Variants in ARHGAP15 observed in about 807,000 individuals in gnomAD.
The protein encoded by ARHGAP15 is Rho GTPase activating protein 15.
ARHGAP15 carries 51 observed loss-of-function variants against 63.7 expected under a neutral mutation model. The ratio of observed to expected loss-of-function variants is 0.80; its 90% CI spans 0.64 to 1.01. The LOEUF is 1.01. ARHGAP15 is among the 50% of genes least tolerant of loss of function. ARHGAP15 has a pLI of 0.00. For missense variants in ARHGAP15, 560 were observed against 564.6 expected (o/e 0.99, Z 0.08); for synonymous variants, 191 against 193.8 (o/e 0.99, Z 0.12).
At chr2:143,474,888 T>C (rs1219080149) in intron 8 of ARHGAP15, among the ~76,000 whole-genome samples, 2 of 152,166 alleles carry the variant, frequency 1.3e-5, no homozygotes, top group Admixed American at 6.5e-5. Flanking sequence ...AGAAGTAAAA[T>C]ATTTGGGATA....
chr2:143,327,466 C>T lies in ARHGAP15; in HGVS notation c.474+76866C>T, dbSNP rs142199873. 1.6e-3 allele frequency among the ~76,000 whole-genome samples: 237 copies of T among 152,030 alleles called. 2 individuals carry two copies. The Middle Eastern group carries it at 0.024, about 15-fold the overall frequency. On this transcript the variant is annotated intron_variant, in intron 6 of 13. Transcript: ENST00000295095. The stretch of plus-strand genomic sequence containing the variant: ...CAATCCTAAGTAAAAAGAATAAAGC[C>T]GGAGGCATCACACTACCTGACTTCA...
chr2:143,745,229 G>T (rs768109070), intron 13 of ARHGAP15, among the ~76,000 whole-genome samples: 2 of 152,188 alleles, frequency 1.3e-5, no homozygotes, highest in Non-Finnish European at 2.9e-5. Flanking sequence ...CTTTTCTGCT[G>T]AATGGCACAT....
rs77054531 is a variant in ARHGAP15, at chr2:143,326,469, A to T, written c.474+75869A>T. ...TACACAGCACTATTGAGAAAGAATG[A>T]TAAACGGCTTTATCAGCTAAAGTCC... On this transcript the variant is annotated intron_variant, in intron 6 of 13. Transcript: ENST00000295095. Among the ~76,000 whole-genome samples the T allele has an allele frequency of 9.4e-3, 1,436 of 152,320 alleles. 78 individuals carry two copies. In the East Asian group the frequency reaches 0.15, roughly 16 times the overall value.
At chr2:143,134,632 CTTTT>C (rs139259059) in intron 1 of ARHGAP15, among the ~76,000 whole-genome samples, 82,308 of 119,158 alleles carry the variant, frequency 0.69, 27,697 homozygotes, top group Middle Eastern at 0.77. Context: ...TATTCCTTTT[CTTTT>C]TTTTTTTTTT....
chr2:143,742,121 A>G (rs554410714), intron 13 of ARHGAP15, among the ~76,000 whole-genome samples: 2 of 152,298 alleles, frequency 1.3e-5, no homozygotes, highest in African/African-American at 2.4e-5. Context: ...CCTGGGACCA[A>G]CTGGTCTTTG....
At chr2:143,643,388 G>C (rs545921801) in intron 12 of ARHGAP15, among the ~76,000 whole-genome samples, 1 of 151,630 alleles carries the variant, frequency 6.6e-6, no homozygotes, top group South Asian at 2.1e-4. Context: ...GTATTTTCTG[G>C]AGCAAGATTC....
rs1216490702 is a variant in ARHGAP15 at position 143,393,806 on chromosome 2, C to T, written c.475-41795C>T. Among the ~76,000 whole-genome samples the T allele has an allele frequency of 4.6e-5, 7 of 151,322 alleles. 1 individual carries two copies. The highest frequency in any genetic ancestry group is 1.7e-4 in the African/African-American group (7 of 41,200). On this transcript the variant is annotated intron_variant, in intron 6 of 13. Transcript: ENST00000295095. ...GTGTCTTTCACAGGACTGTCTTCCC[C>T]GTTGGGACATAATTAAAACAGAAAC... is the stretch of plus-strand genomic sequence containing the variant.
At chr2:143,379,487 A>ATATGTGTGTG (rs1202571594) in intron 6 of ARHGAP15, among the ~76,000 whole-genome samples, 102 of 129,838 alleles carry the variant, frequency 7.9e-4, no homozygotes, top group Non-Finnish European at 1.2e-3. Flanking sequence ...AGGCATATAT[A>ATATGTGTGTG]TGTGTGTGTG....
intron 5 of ARHGAP15, among the ~76,000 whole-genome samples, chr2:143,245,057 C>A (rs1392937258): frequency 6.6e-6 from 1 of 152,094 alleles, no homozygotes; most frequent in Non-Finnish European, 1.5e-5. Flanking sequence ...GCTACACTCT[C>A]ATGGTAATGT....
intron 12 of ARHGAP15, among the ~76,000 whole-genome samples, chr2:143,661,078 C>A (rs965399938): frequency 2.0e-5 from 3 of 152,222 alleles, no homozygotes; most frequent in African/African-American, 7.2e-5. Context: ...CCTGCATCTT[C>A]AAAACCAGCA....
intron 1 of ARHGAP15, among the ~76,000 whole-genome samples, chr2:143,133,440 T>A (rs193188575): frequency 1.8e-4 from 28 of 152,268 alleles, no homozygotes; most frequent in African/African-American, 6.7e-4. Context: ...TACATCTTGA[T>A]GGGTTGTCTG....
intron 13 of ARHGAP15, chr2:143,766,825 G>A (rs922914676): frequency 6.6e-6 from 1 of 152,100 alleles, no homozygotes; most frequent in Admixed American, 6.6e-5. Flanking sequence ...GGCGGGATGG[G>A]GTTTCTGGAG....
At position 143,415,359 on chromosome 2, in the gene ARHGAP15, A is replaced by G. The variant is rs569131838; in HGVS notation, c.475-20242A>G. On this transcript the variant is annotated intron_variant, in intron 6 of 13. Transcript: ENST00000295095. ...CTTTGTGACTAAAGATACTACAAAG[A>G]ACATAAAAAAAGGATTGGCAGATGA... is the stretch of plus-strand genomic sequence containing the variant. 3.9e-5 allele frequency among the ~76,000 whole-genome samples: 6 copies of G among 152,332 alleles called. No individual in the cohort carries two copies. The East Asian group carries it at 9.6e-4, about 24-fold the overall frequency.
intron 6 of ARHGAP15, among the ~76,000 whole-genome samples, chr2:143,305,901 A>G (rs774588366): frequency 1.3e-5 from 2 of 152,134 alleles, no homozygotes; most frequent in Non-Finnish European, 2.9e-5. Context: ...GAGCATGCCA[A>G]TCAAATAAAA....
At chr2:143,388,001 A>G (rs184930481) in intron 6 of ARHGAP15, among the ~76,000 whole-genome samples, 174 of 152,326 alleles carry the variant, frequency 1.1e-3, no homozygotes, top group Non-Finnish European at 2.1e-3. Flanking sequence ...GAAATGCCTC[A>G]AAGACTACCT....
intron 11 of ARHGAP15, among the ~76,000 whole-genome samples, chr2:143,560,067 A>C (rs1297288058): frequency 6.6e-6 from 1 of 152,180 alleles, no homozygotes; most frequent in Non-Finnish European, 1.5e-5. Flanking sequence ...TATTTCACTA[A>C]CTTTCTTGAA....
chr2:143,413,952 T>TGC (rs1372616346), intron 6 of ARHGAP15, among the ~76,000 whole-genome samples: 3 of 96,446 alleles, frequency 3.1e-5, no homozygotes, highest in Admixed American at 2.7e-4. Flanking sequence ...TGTGTGTGTG[T>TGC]GTGTGTGTGT....
intron 6 of ARHGAP15, among the ~76,000 whole-genome samples, chr2:143,331,683 C>T (rs1684554731): frequency 6.6e-6 from 1 of 152,012 alleles, no homozygotes; most frequent in Non-Finnish European, 1.5e-5. Flanking sequence ...ACAAAGTGCT[C>T]TTAAGAGGTA....
At chr2:143,547,098 T>C (rs994857927) in intron 10 of ARHGAP15, among the ~76,000 whole-genome samples, 6 of 152,150 alleles carry the variant, frequency 3.9e-5, no homozygotes, top group Admixed American at 3.9e-4. Flanking sequence ...TTTCTTATCT[T>C]CAGAGATTTC....
Sources: gnomAD v4.1 joint callset for allele counts (sites outside exome capture counted in the v4.1 genomes callset) on GRCh38, gnomAD v4.1.1 for gene constraint, MANE v1.5 for transcripts, NCBI Gene and HGNC (gene_info 2026-07-23, HGNC 2026-07-21) for gene names.